Variants in SLC30A8 observed in about 807,000 individuals in gnomAD.
The protein encoded by SLC30A8 is solute carrier family 30 member 8, also known as proton-coupled zinc antiporter SLC30A8.
A neutral mutation model predicts 36.9 loss-of-function variants in SLC30A8; 27 were observed. The ratio of observed to expected loss-of-function variants is 0.73; its 90% CI spans 0.54 to 1.01. The LOEUF (loss-of-function observed/expected upper bound fraction) is 1.01, where lower values mean the gene tolerates loss of function less well. Ranked by LOEUF, SLC30A8 falls within the 50% of genes least tolerant of loss-of-function variation. SLC30A8 has a pLI of 0.00. For missense variants in SLC30A8, 439 were observed against 452.0 expected, an observed-to-expected ratio of 0.97 and a Z score of 0.26; for synonymous variants, 164 against 172.4, an observed-to-expected ratio of 0.95 and a Z score of 0.38.
chr8:117,161,596 CA>C (rs1822791687), intron 4 of SLC30A8, 141 bp from the exon 5 acceptor site: 1 of 778,324 alleles, frequency 1.3e-6, no homozygotes. Flanking sequence ...AAACATTAGT[CA>C]AAGATAGTTC....
At chr8:116,955,771 G>T (rs1814176675) in intron 1 of SLC30A8, among the ~76,000 whole-genome samples, 2 of 151,914 alleles carry the variant, frequency 1.3e-5, no homozygotes, top group Admixed American at 1.3e-4. Flanking sequence ...GAGATGCTGA[G>T]GTTTGTTGGC....
intron 1 of SLC30A8, among the ~76,000 whole-genome samples, chr8:117,034,694 T>G (rs770792859): frequency 6.6e-6 from 1 of 152,114 alleles, no homozygotes; most frequent in Non-Finnish European, 1.5e-5. Context: ...AGTAACTGAG[T>G]GTATTAGTCC....
intron 1 of SLC30A8, among the ~76,000 whole-genome samples, chr8:117,016,549 GT>G (rs1159051383): frequency 6.6e-6 from 1 of 152,182 alleles, no homozygotes; most frequent in Non-Finnish European, 1.5e-5. Flanking sequence ...ACAGCTGCTA[GT>G]TTAGTATCCA....
chr8:116,989,566 TA>T (rs1456359341), intron 1 of SLC30A8, among the ~76,000 whole-genome samples: 1 of 152,216 alleles, frequency 6.6e-6, no homozygotes, highest in Non-Finnish European at 1.5e-5. Flanking sequence ...ATTATTTACC[TA>T]AATTGTTCGT....
chr8:117,007,835 A>T (rs146712936), intron 1 of SLC30A8, among the ~76,000 whole-genome samples: 94 of 152,270 alleles, frequency 6.2e-4, no homozygotes, highest in African/African-American at 1.9e-3. Flanking sequence ...ATTCTTTTTT[A>T]AAAAAAGTCA....
Position 117,171,040 on chromosome 8 carries a change from C to G in SLC30A8, c.836C>G (p.Pro279Arg). 6.3e-7 allele frequency: 1 copy of G among 1,593,636 alleles called. No individual in the cohort carries two copies. The highest frequency in any genetic ancestry group is 8.5e-7 in the Non-Finnish European group (1 of 1,170,730). ...DFSILLMEGV[P>R]KSLNYSGVKE... is the part of the protein sequence containing the mutation. ...ATCTCTTCCCTTTTGTCAGGTGTGC[C>G]AAAGAGCCTGAATTACAGTGGTGTG... Residue 279 changes from proline to arginine, a missense_variant, in exon 7 of 8, where the codon CCA (proline) becomes CGA (arginine). Transcript: ENST00000456015.
At chr8:116,989,790 A>C (rs1445323614) in intron 1 of SLC30A8, among the ~76,000 whole-genome samples, 1 of 152,234 alleles carries the variant, frequency 6.6e-6, no homozygotes, top group Non-Finnish European at 1.5e-5. Context: ...CCACCTGGAA[A>C]TGTATCATGG....
rs145936303 is a variant in SLC30A8, at chr8:117,139,392, C to T, written c.71+3994C>T. The stretch of plus-strand genomic sequence containing the variant: ...GTGCACACACTAAGGAAAGACCACG[C>T]GAGGAAGTAACGAAAAGGCAAGCAT... On this transcript the variant is annotated intron_variant, in intron 1 of 7. Transcript: ENST00000456015. Among the ~76,000 whole-genome samples, 448 of 152,072 alleles carry T rather than the reference C, an allele frequency of 2.9e-3. 5 individuals are homozygous for T. The highest frequency in any genetic ancestry group is 0.01 in the African/African-American group (416 of 41,484).
chr8:117,107,106 T>C (rs1410877838), intron 2 of SLC30A8, among the ~76,000 whole-genome samples: 3 of 152,176 alleles, frequency 2.0e-5, no homozygotes, highest in Non-Finnish European at 2.9e-5. Flanking sequence ...TATTTTCTTA[T>C]ACTAGTGAAC....
intron 2 of SLC30A8, among the ~76,000 whole-genome samples, chr8:117,041,178 C>A (rs894459909): frequency 5.3e-5 from 8 of 152,204 alleles, no homozygotes; most frequent in South Asian, 2.1e-4. Context: ...ACAATGAATC[C>A]ACAGAAAAAA....
rs933023575 is a variant in SLC30A8, at chr8:116,958,244, A to G, written c.-266+7125A>G. On this transcript the variant is annotated intron_variant, in intron 1 of 10. Transcript: ENST00000427715. ...GAAAGAGGTTCCATTCTAGGAATGT[A>G]GTGGTTATGGCGTTTTCTAGTGCTC... Among the ~76,000 whole-genome samples the G allele has an allele frequency of 3.9e-5, 6 of 152,030 alleles. No individual in the cohort carries two copies. In the South Asian group the frequency reaches 1.2e-3, roughly 32 times the overall value.
intron 2 of SLC30A8, among the ~76,000 whole-genome samples, chr8:117,112,218 C>G (rs192522209): frequency 6.6e-6 from 1 of 152,186 alleles, no homozygotes; most frequent in East Asian, 1.9e-4. Context: ...TTCAACATGC[C>G]AGAGTGTCTT....
intron 1 of SLC30A8, among the ~76,000 whole-genome samples, chr8:117,022,889 A>C (rs1187688703): frequency 6.6e-6 from 1 of 152,200 alleles, no homozygotes; most frequent in African/African-American, 2.4e-5. Context: ...GATCTAATTA[A>C]ACTAAAGAGC....
At chr8:117,078,081 T>C (rs989576802) in intron 2 of SLC30A8, among the ~76,000 whole-genome samples, 1 of 152,224 alleles carries the variant, frequency 6.6e-6, no homozygotes, top group Non-Finnish European at 1.5e-5. Context: ...CCTTTTCATG[T>C]ATGCACAAAA....
chr8:117,019,650 G>A (rs530993118), intron 1 of SLC30A8, among the ~76,000 whole-genome samples: 4 of 152,244 alleles, frequency 2.6e-5, no homozygotes, highest in African/African-American at 9.6e-5. Flanking sequence ...AGTAATCCCA[G>A]CACCTAGCTC....
intron 2 of SLC30A8, among the ~76,000 whole-genome samples, chr8:117,050,988 A>G (rs1345477412): frequency 6.6e-6 from 1 of 152,250 alleles, no homozygotes; most frequent in Non-Finnish European, 1.5e-5. Context: ...TAGGTTTCTA[A>G]TAACCACTTG....
intron 1 of SLC30A8, among the ~76,000 whole-genome samples, chr8:116,987,093 A>G (rs1172604588): frequency 6.6e-6 from 1 of 152,164 alleles, no homozygotes; most frequent in Non-Finnish European, 1.5e-5. Flanking sequence ...CAGACTGAAA[A>G]ACAGGATAAA....
At chr8:117,141,397 T>G (rs1821647365) in intron 1 of SLC30A8, among the ~76,000 whole-genome samples, 5 of 152,068 alleles carry the variant, frequency 3.3e-5, no homozygotes, top group Admixed American at 3.3e-4. Flanking sequence ...AACATATTAA[T>G]AGGATACAGA....
At chr8:117,063,669 A>G (rs902747823) in intron 2 of SLC30A8, among the ~76,000 whole-genome samples, 13 of 152,220 alleles carry the variant, frequency 8.5e-5, no homozygotes, top group African/African-American at 2.7e-4. Flanking sequence ...AGAAAATTCT[A>G]CCTTGAGAAG....
Sources: allele counts gnomAD v4.1 joint callset (sites outside exome capture counted in the v4.1 genomes callset), GRCh38; gene constraint gnomAD v4.1.1; transcripts MANE v1.5; gene names NCBI Gene and HGNC (gene_info 2026-07-23, HGNC 2026-07-21).